Variants in FAXC observed in about 807,000 individuals in gnomAD.
FAXC encodes failed axon connections homolog, metaxin like GST domain containing, also known as failed axon connections homolog.
In FAXC, 10 loss-of-function variants were observed where a neutral mutation model predicts 41.9. The ratio of observed to expected loss-of-function variants is 0.24; its 90% CI spans 0.15 to 0.41. The LOEUF is 0.41. FAXC is among the 10% of genes least tolerant of loss of function. The pLI is 1.00. For missense variants in FAXC, 399 were observed against 510.9 expected, an observed-to-expected ratio of 0.78 and a Z score of 2.11; for synonymous variants, 183 against 183.8, an observed-to-expected ratio of 1.00 and a Z score of 0.03.
chr6:99,341,489 TTTTTAAAAAATAGGA>T (rs1773426110), intron 2 of FAXC, among the ~76,000 whole-genome samples: 1 of 152,116 alleles, frequency 6.6e-6, no homozygotes, highest in African/African-American at 2.4e-5. Flanking sequence ...GAATTCAAGT[TTTTTAAAAAATAGGA>T]AGAGACATCA....
At chr6:99,300,766 T>C (rs1771673852) in intron 4 of FAXC, among the ~76,000 whole-genome samples, 2 of 152,242 alleles carry the variant, frequency 1.3e-5, no homozygotes, top group Admixed American at 6.5e-5. Context: ...AGCTGTTCTA[T>C]CTCTTTATTC....
chr6:99,326,818 T>C (rs1485043097), intron 3 of FAXC, among the ~76,000 whole-genome samples: 2 of 152,216 alleles, frequency 1.3e-5, no homozygotes, highest in East Asian at 1.9e-4. Context: ...TTAGAGTTCC[T>C]GCCTGATGAC....
At chr6:99,312,451 C>T (rs760005272) in intron 4 of FAXC, among the ~76,000 whole-genome samples, 3 of 152,180 alleles carry the variant, frequency 2.0e-5, no homozygotes, top group Admixed American at 1.3e-4. Flanking sequence ...ATCACTCATT[C>T]ATAGAGAGAC....
intron 2 of FAXC, among the ~76,000 whole-genome samples, chr6:99,333,774 G>A (rs74973751): frequency 0.013 from 1,994 of 152,138 alleles, 50 homozygotes; most frequent in African/African-American, 0.045. Context: ...ATTCTATCGT[G>A]GACTTTGGCT....
rs753544727 is a variant in FAXC at position 99,323,520 on chromosome 6, G to A, written c.747C>T (p.His249=). ...CTTCCTCGGAGAAGCGGCCAATGCC[G>A]TGGCCGTGCATCTCGCGTTTCACAA... The part of the protein sequence containing the change: ...KGIVKREMHG[H]GIGRFSEEEI... Residue 249 remains histidine, a synonymous_variant, in exon 4 of 6, where the codon CAC becomes CAT. Coordinates refer to ENST00000389677, the MANE Select transcript of FAXC (RefSeq NM_032511.4). 2.1e-5 allele frequency: 34 copies of A among 1,614,092 alleles called. No homozygotes were observed. The highest frequency in any genetic ancestry group is 2.6e-5 in the Non-Finnish European group (31 of 1,180,044).
At chr6:99,345,626 C>T (rs900482834) in intron 1 of FAXC, among the ~76,000 whole-genome samples, 5 of 152,146 alleles carry the variant, frequency 3.3e-5, no homozygotes, top group South Asian at 2.1e-4. Context: ...CTACTATTCC[C>T]GGGGCTAACG....
At position 99,342,960 on chromosome 6, in the gene FAXC, T is replaced by G; in HGVS notation, c.340A>C (p.Ser114Arg). ...QFARPNNGVP[S>R]LSPFCLKMET... ...ATCTTTAAACAGAAAGGAGATAAACTTGGAACACCATTGTTAGGTCTTGCA... is the reference window on the plus strand; with the variant it reads ...ATCTTTAAACAGAAAGGAGATAAACGTGGAACACCATTGTTAGGTCTTGCA... The change falls in exon 2 of 6, where the codon AGT (serine) becomes CGT (arginine). Residue 114 changes from serine to arginine, a missense_variant. Physicochemically the swap from Ser to Arg is moderately radical, Grantham distance 110. Coordinates refer to ENST00000389677, the MANE Select transcript of FAXC (RefSeq NM_032511.4). 6.2e-7 allele frequency: 1 copy of G among 1,612,858 alleles called. No homozygotes were observed. The highest frequency in any genetic ancestry group is 8.5e-7 in the Non-Finnish European group (1 of 1,179,612).
At chr6:99,283,376 T>C (rs907717027) in intron 5 of FAXC, among the ~76,000 whole-genome samples, 3 of 152,236 alleles carry the variant, frequency 2.0e-5, no homozygotes, top group Non-Finnish European at 4.4e-5. Flanking sequence ...GTAAACATTT[T>C]CTCATGTTAA....
intron 4 of FAXC, among the ~76,000 whole-genome samples, chr6:99,317,220 G>C (rs1186559107): frequency 1.3e-5 from 2 of 151,622 alleles, no homozygotes; most frequent in Non-Finnish European, 2.9e-5. Context: ...TTACCACTTC[G>C]CTCTTTCAGA....
chr6:99,296,733 C>A (rs2128451799), intron 4 of FAXC, among the ~76,000 whole-genome samples: 1 of 152,226 alleles, frequency 6.6e-6, no homozygotes, highest in Non-Finnish European at 1.5e-5. Context: ...AATCAGAGAG[C>A]ACAGACCAGG....
At chr6:99,329,656 G>A (rs568767684) in intron 3 of FAXC, among the ~76,000 whole-genome samples, 2 of 152,032 alleles carry the variant, frequency 1.3e-5, no homozygotes, top group South Asian at 4.2e-4. Flanking sequence ...AACTGGGGTG[G>A]GGAGAAAAGA....
intron 2 of FAXC, 65 bp downstream of exon 2, chr6:99,342,833 T>C: frequency 3.4e-6 from 5 of 1,476,180 alleles, no homozygotes; most frequent in Non-Finnish European, 4.5e-6. Flanking sequence ...TATTCCCCCC[T>C]TTAGTTAAAT....
At chr6:99,299,403 A>C (rs1771618339) in intron 4 of FAXC, among the ~76,000 whole-genome samples, 2 of 152,212 alleles carry the variant, frequency 1.3e-5, no homozygotes, top group South Asian at 4.1e-4. Flanking sequence ...AATAATCAAA[A>C]GATTTTCCAA....
Position 99,274,606 on chromosome 6 carries a change from C to A in FAXC, c.*6558G>T, listed in dbSNP as rs1770532780. The stretch of plus-strand genomic sequence containing the variant: ...TCACTGGGAAAAAAACATGTGTTTA[C>A]AATAAGCTTGTTCTGATCCCACAAG... On this transcript the variant is annotated 3_prime_UTR_variant, in exon 6 of 6. Transcript: ENST00000389677. 6.6e-6 allele frequency: 1 copy of A among 152,160 alleles called. No homozygotes were observed. The highest frequency in any genetic ancestry group is 2.4e-5 in the African/African-American group (1 of 41,442). The allele number at this position is 152,160 out of a possible 1,614,324, so 9.4% of individuals were successfully genotyped here.
intron 2 of FAXC, among the ~76,000 whole-genome samples, chr6:99,339,325 G>C (rs774400665): frequency 1.1e-4 from 17 of 152,352 alleles, no homozygotes; most frequent in Non-Finnish European, 2.1e-4. Context: ...AAGGACCAGA[G>C]TAGTTTGGGG....
chr6:99,327,244 C>G (rs1435293889), intron 3 of FAXC, among the ~76,000 whole-genome samples: 1 of 152,084 alleles, frequency 6.6e-6, no homozygotes, highest in Non-Finnish European at 1.5e-5. Context: ...CTTTAAATAC[C>G]AAAGAAAATA....
At chr6:99,324,743 T>A (rs1252524516) in intron 3 of FAXC, among the ~76,000 whole-genome samples, 1 of 152,216 alleles carries the variant, frequency 6.6e-6, no homozygotes, top group Non-Finnish European at 1.5e-5. Context: ...TCAAAGGGTT[T>A]TCTACCAAAG....
At chr6:99,310,982 C>A (rs2128456496) in intron 4 of FAXC, among the ~76,000 whole-genome samples, 1 of 152,230 alleles carries the variant, frequency 6.6e-6, no homozygotes, top group South Asian at 2.1e-4. Context: ...AACAGCCTAT[C>A]CCAAAGCTTT....
In FAXC at chr6:99,273,339, GA is replaced by G. The variant is rs1008855540; in HGVS notation, c.*7824del. The G allele has an allele frequency of 6.6e-6, 1 of 151,430 alleles. No individual in the cohort carries two copies. Among genetic ancestry groups the G allele is most frequent in the South Asian group, 2.1e-4 (1 of 4,788 alleles). 9.4% of individuals were successfully genotyped at this position (151,430 alleles called of 1,614,324 possible). ...GAAGACACAAGATTATAAACAAATA[GA>G]AAAAAAGACATGTAATCAGTGAGAT... On this transcript the variant is annotated 3_prime_UTR_variant, in exon 6 of 6. Coordinates refer to ENST00000389677, the MANE Select transcript of FAXC (RefSeq NM_032511.4).
Sources: allele counts gnomAD v4.1 joint callset (sites outside exome capture counted in the v4.1 genomes callset), GRCh38; gene constraint gnomAD v4.1.1; transcripts MANE v1.5; gene names NCBI Gene and HGNC (gene_info 2026-07-23, HGNC 2026-07-21).